PDCD2L: variants seen among roughly 807,000 people sequenced by gnomAD.
PDCD2L encodes the protein uS5 assembly chaperone PDCD2L.
In PDCD2L, 44 loss-of-function variants were observed where a neutral mutation model predicts 40.4. The observed-to-expected ratio is 1.09, with a 90% CI of 0.86 to 1.40. PDCD2L has a LOEUF of 1.40. Ranked by LOEUF, PDCD2L falls within the 40% of genes most tolerant of loss-of-function variation. The pLI, the probability that PDCD2L is intolerant of heterozygous loss-of-function variation, is 0.00. For synonymous variants in PDCD2L, 194 were observed against 174.6 expected (o/e 1.11, Z -0.88); for missense variants, 470 against 453.7 (o/e 1.04, Z -0.33).
At chr19:34,421,739 T>C in intron 6 of PDCD2L, 72 bp downstream of exon 6, 2 of 1,494,924 alleles carry the variant, frequency 1.3e-6, no homozygotes, top group Non-Finnish European at 1.8e-6. Flanking sequence ...AAACCTTTTG[T>C]TTACTTATAA....
In PDCD2L at chr19:34,411,209, A is replaced by G. The variant is rs117643982; in HGVS notation, c.686+1699A>G. Among the ~76,000 whole-genome samples, 990 of 115,156 alleles carry G rather than the reference A, an allele frequency of 8.6e-3. 12 individuals carry two copies. Among genetic ancestry groups the G allele is most frequent in the East Asian group, 0.036 (152 of 4,170 alleles). 75.5% of individuals were successfully genotyped at this position (115,156 alleles called of 152,430 possible). The stretch of plus-strand genomic sequence containing the variant: ...GAGATGGGATCTTGCTTTGTTTCCC[A>G]GGCTGAACTGCAGTGGTGTGGTGTG... On this transcript the variant is annotated intron_variant, in intron 4 of 6. Coordinates refer to ENST00000246535, the MANE Select transcript of PDCD2L (RefSeq NM_032346.2).
At chr19:34,414,474 CTTTT>C (rs35413401) in intron 5 of PDCD2L, among the ~76,000 whole-genome samples, 3 of 39,788 alleles carry the variant, frequency 7.5e-5, no homozygotes, top group African/African-American at 1.9e-4. Context: ...CCATGCCTGG[CTTTT>C]TTTTTTTTTT....
intron 4 of PDCD2L, among the ~76,000 whole-genome samples, chr19:34,413,075 C>G (rs1335762506): frequency 6.6e-6 from 1 of 150,798 alleles, no homozygotes; most frequent in African/African-American, 2.4e-5. Context: ...TTTCACTCTT[C>G]TTGCCCAGGC....
rs35175132 is a variant in PDCD2L at position 34,406,826 on chromosome 19, CTTTTTTTT to C, written c.336+1852_336+1859del. On this transcript the variant is annotated intron_variant, in intron 3 of 6. Coordinates refer to ENST00000246535, the MANE Select transcript of PDCD2L (RefSeq NM_032346.2). The stretch of plus-strand genomic sequence containing the variant: ...CTTCCCGCTCCAGGTTTCTTTCTTC[CTTTTTTTT>C]TTTTTTTTTTTTTTTGAGACCGAGT... 2.9e-5 allele frequency among the ~76,000 whole-genome samples: 3 copies of C among 102,246 alleles called. 1 individual carries two copies. The highest frequency in any genetic ancestry group is 1.3e-4 in the African/African-American group (3 of 23,456). 67.1% of individuals were successfully genotyped at this position (102,246 alleles called of 152,430 possible).
chr19:34,423,126 G>T (rs2075160272), intron 6 of PDCD2L, among the ~76,000 whole-genome samples: 1 of 152,074 alleles, frequency 6.6e-6, no homozygotes, highest in East Asian at 1.9e-4. Context: ...TAGATAGTAT[G>T]CATCTGGCTC....
intron 3 of PDCD2L, among the ~76,000 whole-genome samples, chr19:34,408,595 C>A (rs1449691702): frequency 6.6e-6 from 1 of 152,226 alleles, no homozygotes; most frequent in Non-Finnish European, 1.5e-5. Context: ...CACCTCAGAA[C>A]TGGCCGTGAA....
chr19:34,425,212 G>A (rs1364385626), intron 6 of PDCD2L, among the ~76,000 whole-genome samples: 2 of 148,092 alleles, frequency 1.4e-5, no homozygotes, highest in Admixed American at 1.3e-4. Flanking sequence ...ATAATTTTCT[G>A]TAAACTCTTA....
chr19:34,413,774 A>T lies in PDCD2L; in HGVS notation c.724A>T (p.Ile242Leu), dbSNP rs779816203. ...NDGDEKYEKT[I>L]IKSGDQTFYK... is the part of the protein sequence containing the mutation. The stretch of plus-strand genomic sequence containing the variant: ...TGGTGATGAAAAATATGAGAAGACC[A>T]TAATTAAAAGTGGAGATCAGACGTT... Residue 242 changes from isoleucine (I) to leucine (L), a missense_variant, in exon 5 of 7, where the codon ATA (isoleucine) becomes TTA (leucine). By Grantham distance (5) the Ile-to-Leu change is conservative. Coordinates refer to ENST00000246535, the MANE Select transcript of PDCD2L (RefSeq NM_032346.2). The T allele has an allele frequency of 2.5e-6, 4 of 1,606,180 alleles. No homozygotes were observed. In the South Asian group the frequency reaches 4.5e-5, roughly 18 times the overall value.
Position 34,426,132 on chromosome 19 carries a change from T to G in PDCD2L, c.*12T>G, listed in dbSNP as rs2075176113. 6.6e-7 allele frequency: 1 copy of G among 1,512,924 alleles called. No homozygotes were observed. Among genetic ancestry groups the G allele is most frequent in the Admixed American group, 1.8e-5 (1 of 56,290 alleles). The allele number at this position is 1,512,924 out of a possible 1,614,324, so 93.7% of individuals were successfully genotyped here. A position where few individuals can be genotyped will look rare whatever the true frequency, so the allele number is the denominator to read the frequency against. ...TATTGTTTAAGTAGAGCATTTCCTT[T>G]TATTAATATAAATTAAAACAAATGT... On this transcript the variant is annotated 3_prime_UTR_variant, in exon 7 of 7. Coordinates refer to ENST00000246535, the MANE Select transcript of PDCD2L (RefSeq NM_032346.2).
At chr19:34,415,088 A>G (rs2075121330) in intron 5 of PDCD2L, among the ~76,000 whole-genome samples, 2 of 151,710 alleles carry the variant, frequency 1.3e-5, no homozygotes, top group African/African-American at 4.8e-5. Context: ...ATCAGCCACG[A>G]CCCTTGGCCC....
intron 6 of PDCD2L, chr19:34,421,930 T>G (rs2075153427): frequency 1.8e-5 from 4 of 222,352 alleles, no homozygotes; most frequent in African/African-American, 7.0e-5. Flanking sequence ...TCTACTATAA[T>G]ATAAAAAATT....
intron 3 of PDCD2L, among the ~76,000 whole-genome samples, chr19:34,405,672 G>A (rs1055834667): frequency 1.6e-4 from 24 of 150,916 alleles, no homozygotes; most frequent in Non-Finnish European, 2.8e-4. Context: ...AGGCCGAGGC[G>A]GGCGGATCTC....
intron 3 of PDCD2L, among the ~76,000 whole-genome samples, chr19:34,408,485 A>G (rs1193482125): frequency 6.6e-6 from 1 of 152,088 alleles, no homozygotes; most frequent in African/African-American, 2.4e-5. Context: ...ACGTGCCACC[A>G]TGCCTGGCTT....
rs1375481587 is a variant in PDCD2L at position 34,404,826 on chromosome 19, A to C, written c.275+11A>C. Reference sequence around the variant, plus strand: ...CGGCGGTGCGCGCAGGTAGGCGGGGAAGTCCCAGAGCTGCTCCAGGGGTGT... The same window carrying C: ...CGGCGGTGCGCGCAGGTAGGCGGGGCAGTCCCAGAGCTGCTCCAGGGGTGT... On this transcript the variant is annotated intron_variant, in intron 2 of 6. Coordinates refer to ENST00000246535, the MANE Select transcript of PDCD2L (RefSeq NM_032346.2). 1 of 1,602,606 alleles carries C rather than the reference A, an allele frequency of 6.2e-7. No homozygotes were observed. The highest frequency in any genetic ancestry group is 2.2e-5 in the East Asian group (1 of 44,472).
intron 5 of PDCD2L, among the ~76,000 whole-genome samples, chr19:34,418,329 A>G (rs1001914388): frequency 3.3e-5 from 5 of 152,038 alleles, no homozygotes; most frequent in South Asian, 2.1e-4. Flanking sequence ...GCAACCGCCA[A>G]TCATCTTTCT....
At chr19:34,425,047 A>G (rs866204818) in intron 6 of PDCD2L, among the ~76,000 whole-genome samples, 1 of 152,162 alleles carries the variant, frequency 6.6e-6, no homozygotes, top group Non-Finnish European at 1.5e-5. Context: ...TGCTGTGCCC[A>G]GCCAATGCAT....
In PDCD2L at chr19:34,404,744, C is replaced by T. The variant is rs78302093; in HGVS notation, c.204C>T (p.Gly68=). The part of the protein sequence containing the change: ...LVVQVYCPLE[G]SPFHRLLHVF... ...TGCAGGTGTATTGCCCGCTGGAAGG[C>T]TCCCCGTTTCACCGTCTGCTGCACG... The change falls in exon 2 of 7, where the codon GGC becomes GGT. Residue 68 remains glycine (G), a synonymous_variant. Transcript: ENST00000246535. The T allele has an allele frequency of 2.9e-3, 4,637 of 1,611,968 alleles. 114 individuals are homozygous for T. The African/African-American group carries it at 0.055, about 19-fold the overall frequency.
At chr19:34,405,893 C>T (rs1047952827) in intron 3 of PDCD2L, among the ~76,000 whole-genome samples, 16 of 151,798 alleles carry the variant, frequency 1.1e-4, no homozygotes, top group Admixed American at 6.6e-4. Flanking sequence ...GTGACAGACT[C>T]CGTAAAAACA....
chr19:34,419,773 CTTTT>C (rs754032924), intron 5 of PDCD2L, among the ~76,000 whole-genome samples: 14 of 36,638 alleles, frequency 3.8e-4, no homozygotes, highest in South Asian at 1.4e-3. Context: ...CTTTATGTTG[CTTTT>C]TTTTTTTTTT....
Sources: allele counts gnomAD v4.1 joint callset (sites outside exome capture counted in the v4.1 genomes callset), GRCh38; gene constraint gnomAD v4.1.1; transcripts MANE v1.5; gene names NCBI Gene and HGNC (gene_info 2026-07-23, HGNC 2026-07-21).